Variants in KCNIP4 observed in about 807,000 individuals in gnomAD.
KCNIP4 encodes Kv channel-interacting protein 4.
A neutral mutation model predicts 34.0 loss-of-function variants in KCNIP4; 12 were observed. The ratio of observed to expected loss-of-function variants is 0.35; its 90% CI spans 0.23 to 0.57. KCNIP4 has a LOEUF of 0.57. Among genes scored for constraint, KCNIP4 ranks in the 20% least tolerant of loss-of-function variants. The pLI is 0.83. For synonymous variants in KCNIP4, 124 were observed against 102.2 expected (o/e 1.21, Z -1.29); for missense variants, 238 against 311.7 (o/e 0.76, Z 1.78).
chr4:20,756,832 T>G (rs1037843218), intron 4 of KCNIP4, among the ~76,000 whole-genome samples: 2 of 152,086 alleles, frequency 1.3e-5, no homozygotes, highest in African/African-American at 4.8e-5. Context: ...TCTGTCTCCT[T>G]TGTTGATCCC....
intron 1 of KCNIP4, among the ~76,000 whole-genome samples, chr4:21,806,666 T>G (rs1414052780): frequency 6.6e-6 from 1 of 152,178 alleles, no homozygotes; most frequent in Non-Finnish European, 1.5e-5. Flanking sequence ...CCTGTTGGGT[T>G]AGACATTAAA....
intron 1 of KCNIP4, among the ~76,000 whole-genome samples, chr4:21,223,172 G>C (rs556838573): frequency 2.0e-5 from 3 of 152,286 alleles, no homozygotes; most frequent in African/African-American, 7.2e-5. Context: ...TGGGAGGCAA[G>C]TGGGGCAGGG....
intron 1 of KCNIP4, among the ~76,000 whole-genome samples, chr4:21,459,261 G>C (rs56005454): frequency 0.31 from 47,246 of 151,886 alleles, 8,182 homozygotes; most frequent in Non-Finnish European, 0.39. Flanking sequence ...TCTCAGTCCA[G>C]ATCTTACCTA....
chr4:21,758,879 G>A (rs1361587730), intron 1 of KCNIP4, among the ~76,000 whole-genome samples: 2 of 152,108 alleles, frequency 1.3e-5, no homozygotes, highest in Admixed American at 1.3e-4. Context: ...GGTAAGATGT[G>A]TGACTTCTCT....
At chr4:21,791,102 G>A (rs115487286) in intron 1 of KCNIP4, among the ~76,000 whole-genome samples, 2,497 of 151,638 alleles carry the variant, frequency 0.016, 77 homozygotes, top group African/African-American at 0.057. Context: ...ATTATCAACA[G>A]AAATGTATTC....
chr4:21,452,101 A>G (rs1275808043), intron 1 of KCNIP4, among the ~76,000 whole-genome samples: 3 of 152,112 alleles, frequency 2.0e-5, no homozygotes, highest in African/African-American at 7.2e-5. Context: ...TGCTTGACTT[A>G]ACCCACAGGG....
intron 1 of KCNIP4, among the ~76,000 whole-genome samples, chr4:21,036,543 T>C (rs1035050574): frequency 1.3e-5 from 2 of 152,210 alleles, no homozygotes; most frequent in Non-Finnish European, 2.9e-5. Context: ...ATTTTGGCAC[T>C]GGAAGCAAAT....
chr4:21,170,102 A>T (rs1753910709), intron 1 of KCNIP4, among the ~76,000 whole-genome samples: 1 of 152,156 alleles, frequency 6.6e-6, no homozygotes, highest in Admixed American at 6.5e-5. Flanking sequence ...ACACCAAATT[A>T]TATTTAGTAG....
At chr4:20,846,408 T>G (rs1720380748) in intron 3 of KCNIP4, among the ~76,000 whole-genome samples, 1 of 152,188 alleles carries the variant, frequency 6.6e-6, no homozygotes, top group Non-Finnish European at 1.5e-5. Context: ...AAAATTGAAC[T>G]GAAGCTATAA....
At chr4:21,507,390 A>T (rs1315413486) in intron 1 of KCNIP4, among the ~76,000 whole-genome samples, 2 of 151,672 alleles carry the variant, frequency 1.3e-5, no homozygotes, top group Non-Finnish European at 2.9e-5. Flanking sequence ...TCTACCTCCC[A>T]AGTAGCTGGG....
At chr4:20,862,824 T>C (rs1722349297) in intron 2 of KCNIP4, among the ~76,000 whole-genome samples, 1 of 152,132 alleles carries the variant, frequency 6.6e-6, no homozygotes, top group Non-Finnish European at 1.5e-5. Flanking sequence ...TGCAGAAACA[T>C]GGATGGAGCT....
intron 1 of KCNIP4, among the ~76,000 whole-genome samples, chr4:21,557,031 AC>A (rs1739123838): frequency 6.6e-6 from 1 of 152,042 alleles, no homozygotes; most frequent in Non-Finnish European, 1.5e-5. Flanking sequence ...TAAACATATT[AC>A]TTTACTGTAG....
intron 3 of KCNIP4, among the ~76,000 whole-genome samples, chr4:20,770,460 C>A (rs1755768440): frequency 7.1e-6 from 1 of 139,886 alleles, no homozygotes. Flanking sequence ...TGATATCAGC[C>A]TAATAATATT....
intron 1 of KCNIP4, among the ~76,000 whole-genome samples, chr4:21,027,305 G>A (rs928334255): frequency 1.3e-5 from 2 of 152,252 alleles, no homozygotes; most frequent in African/African-American, 2.4e-5. Context: ...CAACAGCAGA[G>A]TAGAGTGGTT....
chr4:20,821,529 T>C (rs1210208717), intron 3 of KCNIP4, among the ~76,000 whole-genome samples: 1 of 152,162 alleles, frequency 6.6e-6, no homozygotes, highest in East Asian at 1.9e-4. Context: ...TGGTTTTTTG[T>C]TACATGGATA....
At chr4:20,787,571 A>G (rs911964735) in intron 3 of KCNIP4, among the ~76,000 whole-genome samples, 4 of 152,096 alleles carry the variant, frequency 2.6e-5, no homozygotes, top group African/African-American at 9.6e-5. Flanking sequence ...CTCTATGTAT[A>G]TGAATATTTT....
At chr4:21,746,608 T>C (rs780860699) in intron 1 of KCNIP4, among the ~76,000 whole-genome samples, 6 of 151,910 alleles carry the variant, frequency 3.9e-5, no homozygotes, top group Non-Finnish European at 7.4e-5. Context: ...AAAAAGCACA[T>C]TTAGATATGA....
chr4:21,820,950 C>T (rs1722320315), intron 1 of KCNIP4, among the ~76,000 whole-genome samples: 1 of 152,208 alleles, frequency 6.6e-6, no homozygotes, highest in Non-Finnish European at 1.5e-5. Context: ...ATGGTTATCA[C>T]TGATAACTAT....
At chr4:21,368,375 A>T (rs1340485718) in intron 1 of KCNIP4, among the ~76,000 whole-genome samples, 1 of 147,226 alleles carries the variant, frequency 6.8e-6, no homozygotes, top group Non-Finnish European at 1.5e-5. Context: ...AGAAAATCGT[A>T]TCTAATACAC....
Sources: gnomAD v4.1 joint callset for allele counts (sites outside exome capture counted in the v4.1 genomes callset) on GRCh38, gnomAD v4.1.1 for gene constraint, MANE v1.5 for transcripts, NCBI Gene and HGNC (gene_info 2026-07-23, HGNC 2026-07-21) for gene names.